Variants in THSD7B observed in about 807,000 individuals in gnomAD.
THSD7B encodes thrombospondin type 1 domain containing 7B.
In THSD7B, 138 loss-of-function variants were observed where a neutral mutation model predicts 213.6. The observed-to-expected ratio is 0.65, with a 90% CI of 0.56 to 0.74. The LOEUF (loss-of-function observed/expected upper bound fraction) is 0.74. THSD7B is among the 30% of genes least tolerant of loss of function. The pLI is 0.00. For synonymous variants in THSD7B, 742 were observed against 687.0 expected (o/e 1.08, Z -1.25); for missense variants, 1,931 against 1,991.5 (o/e 0.97, Z 0.58).
At chr2:136,789,877 T>C (rs937860822) in intron 1 of THSD7B, among the ~76,000 whole-genome samples, 3 of 152,138 alleles carry the variant, frequency 2.0e-5, no homozygotes, top group African/African-American at 7.2e-5. Context: ...ATGGGAAATA[T>C]GTTACTTTAT....
chr2:137,394,068 G>C (rs1574002403), intron 12 of THSD7B, among the ~76,000 whole-genome samples: 3 of 126,904 alleles, frequency 2.4e-5, no homozygotes, highest in Admixed American at 2.4e-4. Context: ...TTAGCCCTTT[G>C]TCAGATGAGT....
At chr2:137,549,891 G>C (rs1680812677) in intron 15 of THSD7B, among the ~76,000 whole-genome samples, 1 of 152,020 alleles carries the variant, frequency 6.6e-6, no homozygotes, top group South Asian at 2.1e-4. Flanking sequence ...ATTTTTCTGA[G>C]AGTATCAATC....
intron 1 of THSD7B, among the ~76,000 whole-genome samples, chr2:136,834,260 G>T (rs1303527125): frequency 6.6e-6 from 1 of 152,138 alleles, no homozygotes; most frequent in Non-Finnish European, 1.5e-5. Context: ...TATCACCGTT[G>T]GTTGTTCTTG....
chr2:137,493,122 CAAAAAAAAAAAAAAA>C (rs376770053), intron 15 of THSD7B, among the ~76,000 whole-genome samples: 2 of 44,204 alleles, frequency 4.5e-5, no homozygotes. Context: ...CTCTCTCTCT[CAAAAAAAAAAAAAAA>C]AAAAAAAAAA....
chr2:137,127,664 C>T (rs1688654454), intron 5 of THSD7B, among the ~76,000 whole-genome samples: 1 of 152,094 alleles, frequency 6.6e-6, no homozygotes. Context: ...GGCCTGTAAT[C>T]TCAGCACTTT....
intron 1 of THSD7B, among the ~76,000 whole-genome samples, chr2:136,855,520 G>T (rs1683163602): frequency 1.3e-5 from 2 of 152,150 alleles, no homozygotes; most frequent in Admixed American, 1.3e-4. Flanking sequence ...CCACCTCCCA[G>T]GTTCAAGTGA....
At chr2:137,356,188 TA>T (rs2104927686) in intron 12 of THSD7B, among the ~76,000 whole-genome samples, 1 of 152,254 alleles carries the variant, frequency 6.6e-6, no homozygotes, top group African/African-American at 2.4e-5. Context: ...CAAATTTGCA[TA>T]TCTTTATGCT....
At chr2:136,818,528 C>T (rs1265624897) in intron 1 of THSD7B, among the ~76,000 whole-genome samples, 2 of 151,494 alleles carry the variant, frequency 1.3e-5, no homozygotes, top group Admixed American at 6.6e-5. Context: ...GCAGATGTAC[C>T]CTAAAACTTA....
At chr2:137,252,350 GA>G (rs542974270) in intron 10 of THSD7B, among the ~76,000 whole-genome samples, 12 of 149,938 alleles carry the variant, frequency 8.0e-5, no homozygotes, top group African/African-American at 2.7e-4. Context: ...CCAAATGTAA[GA>G]AAAAAAACCC....
At chr2:137,458,200 AG>A (rs1687801520) in intron 15 of THSD7B, among the ~76,000 whole-genome samples, 1 of 152,194 alleles carries the variant, frequency 6.6e-6, no homozygotes, top group Non-Finnish European at 1.5e-5. Context: ...AAGGTTTCCC[AG>A]GGGTCTTTCT....
chr2:136,858,405 A>G (rs772483389), intron 1 of THSD7B, among the ~76,000 whole-genome samples: 1 of 152,186 alleles, frequency 6.6e-6, no homozygotes, highest in Non-Finnish European at 1.5e-5. Context: ...TGTTATTGCC[A>G]TTGTCTATTC....
intron 17 of THSD7B, among the ~76,000 whole-genome samples, chr2:137,578,197 C>A (rs1209187088): frequency 6.6e-6 from 1 of 152,152 alleles, no homozygotes; most frequent in Non-Finnish European, 1.5e-5. Context: ...GGTGAGGATC[C>A]AGCAACCAGA....
intron 2 of THSD7B, among the ~76,000 whole-genome samples, chr2:136,950,622 G>C (rs564311710): frequency 6.6e-6 from 1 of 152,100 alleles, no homozygotes; most frequent in East Asian, 1.9e-4. Flanking sequence ...AATAATGTTT[G>C]AATTGTTTAA....
At chr2:136,950,642 A>T (rs1558864428) in intron 2 of THSD7B, among the ~76,000 whole-genome samples, 2 of 152,196 alleles carry the variant, frequency 1.3e-5, no homozygotes, top group Non-Finnish European at 2.9e-5. Flanking sequence ...ATTAATTTGT[A>T]AAATTACTCA....
intron 1 of THSD7B, among the ~76,000 whole-genome samples, chr2:136,807,509 G>GTTTTGTTTTTTTTT (rs1553449765): frequency 9.5e-6 from 1 of 104,896 alleles, no homozygotes; most frequent in Non-Finnish European, 1.8e-5. Flanking sequence ...AAAATGTTTC[G>GTTTTGTTTTTTTTT]TTTTTTTTTT....
intron 2 of THSD7B, among the ~76,000 whole-genome samples, chr2:137,016,839 G>T (rs1686351363): frequency 6.6e-6 from 1 of 152,124 alleles, no homozygotes; most frequent in African/African-American, 2.4e-5. Context: ...AAATACTTTT[G>T]CAAGTGCTTC....
chr2:137,605,522 C>A (rs1342003828), intron 17 of THSD7B, among the ~76,000 whole-genome samples: 1 of 151,930 alleles, frequency 6.6e-6, no homozygotes, highest in African/African-American at 2.4e-5. Context: ...GATGAAGAGA[C>A]CTTGGCCCCA....
At chr2:137,120,835 GA>G (rs1257159312) in intron 5 of THSD7B, among the ~76,000 whole-genome samples, 1 of 152,226 alleles carries the variant, frequency 6.6e-6, no homozygotes, top group Non-Finnish European at 1.5e-5. Flanking sequence ...GGAAGTAGAA[GA>G]GTTAGTGAAA....
At chr2:137,098,271 A>G (rs72987533) in intron 4 of THSD7B, among the ~76,000 whole-genome samples, 4,825 of 152,266 alleles carry the variant, frequency 0.032, 85 homozygotes, top group Admixed American at 0.04. Flanking sequence ...CCCTTCTGCT[A>G]TCTTTGCTAT....
Sources: allele counts gnomAD v4.1 joint callset (sites outside exome capture counted in the v4.1 genomes callset), GRCh38; gene constraint gnomAD v4.1.1; transcripts MANE v1.5; gene names NCBI Gene and HGNC (gene_info 2026-07-23, HGNC 2026-07-21).